Variants in HOXA3 observed in about 807,000 individuals in gnomAD.
HOXA3 encodes the protein homeobox A3, also known as homeobox protein Hox-A3.
Under a neutral mutation model 30.3 loss-of-function variants are expected in HOXA3, and 8 were observed. That is an observed-to-expected ratio of 0.26 (90% confidence interval 0.15 to 0.48). The LOEUF (loss-of-function observed/expected upper bound fraction) is 0.48. HOXA3 is among the 20% of genes least tolerant of loss of function. The pLI, the probability that HOXA3 is intolerant of heterozygous loss-of-function variation, is 0.99. For synonymous variants in HOXA3, 323 were observed against 273.1 expected (o/e 1.18, Z -1.80); for missense variants, 653 against 614.4 (o/e 1.06, Z -0.66).
Position 27,140,072 on chromosome 7 carries a change from G to A in HOXA3, c.-390+11C>T, listed in dbSNP as rs1782508002. ...CAAATAAACTTGAAAGCGCTCAGGA[G>A]GCGAGCTTACCTTAACTCGGAGGGA... is the stretch of plus-strand genomic sequence containing the variant. On this transcript the variant is annotated intron_variant, in intron 2 of 5. Coordinates refer to ENST00000612286, the MANE Select transcript of HOXA3 (RefSeq NM_153631.3). 1 of 149,738 alleles carries A rather than the reference G, an allele frequency of 6.7e-6. No homozygotes were observed. 9.3% of individuals were successfully genotyped at this position (149,738 alleles called of 1,614,324 possible).
At chr7:27,148,176 G>T (rs1454967197) in intron 1 of HOXA3, among the ~76,000 whole-genome samples, 2 of 152,272 alleles carry the variant, frequency 1.3e-5, no homozygotes, top group African/African-American at 4.8e-5. Flanking sequence ...GAATTTTGCG[G>T]GTTCCCCGCC....
At chr7:27,133,583 C>A (rs1458824286) in intron 2 of HOXA3, among the ~76,000 whole-genome samples, 1 of 152,188 alleles carries the variant, frequency 6.6e-6, no homozygotes, top group African/African-American at 2.4e-5. Flanking sequence ...CCAACAAAAG[C>A]TTTCTTAAAA....
chr7:27,129,879 C>T, intron 2 of HOXA3: 1 of 608,808 alleles, frequency 1.6e-6, no homozygotes, highest in Non-Finnish European at 2.9e-6. Context: ...AATTACTGCC[C>T]TAACAGTTTG....
intron 2 of HOXA3, chr7:27,130,303 A>AG: frequency 9.2e-7 from 1 of 1,087,158 alleles, no homozygotes. Flanking sequence ...GCGAGGCTGC[A>AG]GGGGCGGCGG....
chr7:27,108,783 C>T lies in HOXA3; in HGVS notation c.527-63G>A. On this transcript the variant is annotated intron_variant, in intron 5 of 5. Coordinates refer to ENST00000612286, the MANE Select transcript of HOXA3 (RefSeq NM_153631.3). The surrounding 1 kb of genome is among the most constrained non-coding windows in gnomAD (Gnocchi z 5.0). The stretch of plus-strand genomic sequence containing the variant: ...TGCCGCGGCCCCGCCCAGCCCCTGA[C>T]CCAGCCCGGCCCCTCCTTCCACCAG... 5 of 1,281,246 alleles carry T rather than the reference C, an allele frequency of 3.9e-6. No individual in the cohort carries two copies. Among genetic ancestry groups the T allele is most frequent in the Non-Finnish European group, 5.3e-6 (5 of 941,042 alleles). The allele number at this position is 1,281,246 out of a possible 1,614,324, so 79.4% of individuals were successfully genotyped here.
intron 1 of HOXA3, chr7:27,147,447 G>A: frequency 6.2e-7 from 1 of 1,614,210 alleles, no homozygotes; most frequent in Non-Finnish European, 8.5e-7. Flanking sequence ...AGTGCAGGTA[G>A]TCCCCGGGGC....
At chr7:27,109,296 G>T (rs1784227791) in intron 5 of HOXA3, among the ~76,000 whole-genome samples, 1 of 152,212 alleles carries the variant, frequency 6.6e-6, no homozygotes, top group Non-Finnish European at 1.5e-5. Flanking sequence ...GGCCCTTCAT[G>T]CTAGGTCCTA....
At chr7:27,145,771 G>A in intron 1 of HOXA3, 2 of 1,614,200 alleles carry the variant, frequency 1.2e-6, no homozygotes, top group Non-Finnish European at 1.7e-6. Flanking sequence ...TTGATCTGGC[G>A]CTCGGTGAGG....
chr7:27,120,804 T>C (rs1784968010), intron 4 of HOXA3: 1 of 152,218 alleles, frequency 6.6e-6, no homozygotes, highest in Non-Finnish European at 1.5e-5. Flanking sequence ...AAACAGCTTC[T>C]CTATGAGAGA....
intron 2 of HOXA3, chr7:27,129,029 A>G (rs1226159929): frequency 1.7e-5 from 11 of 634,762 alleles, no homozygotes; most frequent in Non-Finnish European, 2.8e-5. Context: ...ATCCTGGACA[A>G]CTGTTCTCTC....
Position 27,108,746 on chromosome 7 carries a change from G to A in HOXA3, c.527-26C>T. Reference sequence around the variant, plus strand: ...CTGCGAGGACAGAGAGAGGAAGAGCGGCGTCAGGGGCTGCCGCGGCCCCGC... The same window carrying A: ...CTGCGAGGACAGAGAGAGGAAGAGCAGCGTCAGGGGCTGCCGCGGCCCCGC... On this transcript the variant is annotated intron_variant, in intron 5 of 5. Coordinates refer to ENST00000612286, the MANE Select transcript of HOXA3 (RefSeq NM_153631.3). The surrounding 1 kb of genome is among the most constrained non-coding windows in gnomAD (Gnocchi z 5.0). 6.5e-7 allele frequency: 1 copy of A among 1,540,246 alleles called. No individual in the cohort carries two copies. The highest frequency in any genetic ancestry group is 8.8e-7 in the Non-Finnish European group (1 of 1,141,544).
chr7:27,121,220 CGTGTGTGTGTGTGTGTGTGT>C (rs142198002), intron 4 of HOXA3: 2 of 137,846 alleles, frequency 1.5e-5, no homozygotes, highest in Admixed American at 7.1e-5. Flanking sequence ...CCACTGTGTG[CGTGTGTGTGTGTGTGTGTGT>C]GTGTGTGTGT....
chr7:27,140,258 A>T (rs1782519202), intron 1 of HOXA3, 72 bp from the exon 2 acceptor site: 1 of 151,754 alleles, frequency 6.6e-6, no homozygotes, highest in South Asian at 2.1e-4. Context: ...TTGGATGTCA[A>T]CTCCCCAAAA....
At chr7:27,125,739 GA>G (rs2128052177) in intron 3 of HOXA3, among the ~76,000 whole-genome samples, 1 of 152,354 alleles carries the variant, frequency 6.6e-6, no homozygotes, top group South Asian at 2.1e-4. Flanking sequence ...ATTCAGAGGG[GA>G]AGCCCCAGGC....
At chr7:27,140,032 A>AGAGAGAGAGAGAGAGAGAGAGAGAGAGAG (rs768977757) in intron 2 of HOXA3, 51 bp downstream of exon 2, 55 of 138,160 alleles carry the variant, frequency 4.0e-4, no homozygotes, top group African/African-American at 8.1e-4. Flanking sequence ...AGAGAGAGAG[A>AGAGAGAGAGAGAGAGAGAGAGAGAGAGAG]AAGTTTCCAA....
intron 4 of HOXA3, among the ~76,000 whole-genome samples, chr7:27,114,919 G>C (rs569887316): frequency 2.5e-5 from 3 of 119,814 alleles, no homozygotes; most frequent in African/African-American, 6.0e-5. Context: ...ATGGAGTAAC[G>C]CTGAGCTGGG....
At chr7:27,143,459 T>A (rs779993928) in intron 1 of HOXA3, 1 of 1,613,758 alleles carries the variant, frequency 6.2e-7, no homozygotes, top group East Asian at 2.2e-5. Flanking sequence ...ATCCATGCCA[T>A]TGTAGCCGTA....
Position 27,108,043 on chromosome 7 carries a change from C to A in HOXA3, c.1204G>T (p.Gly402Trp), listed in dbSNP as rs1436225656. The change falls in exon 6 of 6, where the codon GGG becomes TGG. Residue 402 changes from glycine to tryptophan, a missense_variant. By Grantham distance (184) the Gly-to-Trp change is radical (BLOSUM62 -2). Around this residue, in one of 3 missense-constraint regions of HOXA3, gnomAD observed 330 missense variants for 274.4 expected, o/e 1.20. Coordinates refer to ENST00000612286, the MANE Select transcript of HOXA3 (RefSeq NM_153631.3). The surrounding 1 kb of genome is among the most constrained non-coding windows in gnomAD (Gnocchi z 5.0). ...TGGTGGTGGCCGCTGCCCAGCGGCC[C>A]GGCACCCCCATAGTCCATGGCGCCC... Reference protein sequence around the residue: ...ASGAMDYGGAGPLGSGHHHGP... With the variant: ...ASGAMDYGGAWPLGSGHHHGP... The A allele has an allele frequency of 5.0e-6, 8 of 1,612,846 alleles. No individual in the cohort carries two copies. The highest frequency in any genetic ancestry group is 6.8e-6 in the Non-Finnish European group (8 of 1,179,368).
chr7:27,129,155 G>A (rs1785404030), intron 2 of HOXA3: 3 of 945,442 alleles, frequency 3.2e-6, no homozygotes, highest in Non-Finnish European at 5.3e-6. Flanking sequence ...AGGGGTGGAT[G>A]AGGAACGGAG....
Sources: allele counts gnomAD v4.1 joint callset (sites outside exome capture counted in the v4.1 genomes callset), GRCh38; gene constraint gnomAD v4.1.1; regional missense constraint gnomAD v4.1.1; non-coding constraint Gnocchi (gnomAD v3.1); transcripts MANE v1.5; gene names NCBI Gene and HGNC (gene_info 2026-07-23, HGNC 2026-07-21).